The following DENND1A variants were observed in gnomAD, a reference collection of about 807,000 sequenced individuals.
The protein encoded by DENND1A is DENN domain-containing protein 1A.
DENND1A carries 51 observed loss-of-function variants against 113.7 expected under a neutral mutation model. The observed-to-expected ratio is 0.45, with a 90% CI of 0.36 to 0.57. The LOEUF (loss-of-function observed/expected upper bound fraction) is 0.57, where lower values mean the gene tolerates loss of function less well. Among genes scored for constraint, DENND1A ranks in the 20% least tolerant of loss-of-function variants. The pLI is 0.00. For missense variants in DENND1A, 1,258 were observed against 1,395.9 expected, an observed-to-expected ratio of 0.90 and a Z score of 1.57; for synonymous variants, 565 against 570.8, an observed-to-expected ratio of 0.99 and a Z score of 0.14.
chr9:123,410,137 G>T (rs187756717), intron 20 of DENND1A, among the ~76,000 whole-genome samples: 1 of 152,304 alleles, frequency 6.6e-6, no homozygotes, highest in Admixed American at 6.5e-5. Flanking sequence ...TGTGTGTTCT[G>T]CAAATGACAA....
intron 13 of DENND1A, among the ~76,000 whole-genome samples, chr9:123,465,308 A>ATTTTTTTTTTTTTTTTT (rs60428558): frequency 1.2e-5 from 1 of 80,118 alleles, no homozygotes; most frequent in Non-Finnish European, 2.6e-5. Flanking sequence ...TTTGTCTTTG[A>ATTTTTTTTTTTTTTTTT]TTTTTTTTTT....
chr9:123,925,352 G>C (rs566973346), intron 1 of DENND1A, among the ~76,000 whole-genome samples: 1 of 151,946 alleles, frequency 6.6e-6, no homozygotes, highest in South Asian at 2.1e-4. Flanking sequence ...CTTGGTGAAG[G>C]CTTCCTTTCC....
In DENND1A at chr9:123,473,986, C is replaced by CT. The variant is rs5900577; in HGVS notation, c.994-16090dup. ...AAATGGGGTAACGTTTACTTTCTTT[C>CT]TTTTTTTTTTTTTTTTTTTTTTTTT... On this transcript the variant is annotated intron_variant, in intron 13 of 23. Transcript: ENST00000394215. Among the ~76,000 whole-genome samples, 12 of 70,710 alleles carry CT rather than the reference C, an allele frequency of 1.7e-4. 1 individual carries two copies. Among genetic ancestry groups the CT allele is most frequent in the African/African-American group, 2.8e-4 (6 of 21,646 alleles). 46.4% of individuals were successfully genotyped at this position (70,710 alleles called of 152,430 possible). A position where few individuals can be genotyped will look rare whatever the true frequency, so the allele number is the denominator to read the frequency against.
chr9:123,509,865 C>T (rs1486879679), intron 13 of DENND1A, among the ~76,000 whole-genome samples: 1 of 152,252 alleles, frequency 6.6e-6, no homozygotes, highest in East Asian at 1.9e-4. Flanking sequence ...CACTGACTGA[C>T]TCATTGGATT....
chr9:123,929,668 G>C (rs866570986), intron 1 of DENND1A, among the ~76,000 whole-genome samples: 2 of 151,902 alleles, frequency 1.3e-5, no homozygotes, highest in Non-Finnish European at 2.9e-5. Context: ...CAGGTGAGGA[G>C]GGGACACCTG....
intron 5 of DENND1A, among the ~76,000 whole-genome samples, chr9:123,741,417 A>G (rs1453471737): frequency 6.6e-6 from 1 of 152,226 alleles, no homozygotes; most frequent in African/African-American, 2.4e-5. Context: ...CTGTAAGCAG[A>G]ATAACTACTT....
chr9:123,766,901 C>T (rs1250771652), intron 4 of DENND1A, among the ~76,000 whole-genome samples: 1 of 152,150 alleles, frequency 6.6e-6, no homozygotes, highest in African/African-American at 2.4e-5. Flanking sequence ...TGAAAATCCA[C>T]CTCTTGATAT....
At chr9:123,685,488 C>T (rs2064753047) in intron 5 of DENND1A, among the ~76,000 whole-genome samples, 1 of 152,166 alleles carries the variant, frequency 6.6e-6, no homozygotes, top group Admixed American at 6.5e-5. Flanking sequence ...CAAAAACTCC[C>T]ATAAAACATC....
intron 5 of DENND1A, among the ~76,000 whole-genome samples, chr9:123,752,958 G>A (rs1203076239): frequency 6.6e-6 from 1 of 152,172 alleles, no homozygotes. Flanking sequence ...AAATCTCAAG[G>A]AGGAGTAAAA....
At chr9:123,729,713 C>T (rs1228413148) in intron 5 of DENND1A, among the ~76,000 whole-genome samples, 1 of 152,166 alleles carries the variant, frequency 6.6e-6, no homozygotes, top group Non-Finnish European at 1.5e-5. Context: ...AATGCTATCC[C>T]TATCAAGCTA....
chr9:123,401,990 A>G lies in DENND1A; in HGVS notation c.1631+1412T>C, dbSNP rs934788047. 4.4e-6 allele frequency: 7 copies of G among 1,590,566 alleles called. No individual in the cohort carries two copies. The African/African-American group carries it at 8.1e-5, about 18-fold the overall frequency. ...GACCCTGTATCCTGGTACAGTGTCT[A>G]AAAGGTTTAGTCCAGTTTTAAAGAG... is the stretch of plus-strand genomic sequence containing the variant. On this transcript the variant is annotated intron_variant, in intron 21 of 23. Coordinates refer to ENST00000394215, the MANE Select transcript of DENND1A (RefSeq NM_001352964.2).
At chr9:123,815,236 C>G (rs1308891501) in intron 2 of DENND1A, among the ~76,000 whole-genome samples, 1 of 152,328 alleles carries the variant, frequency 6.6e-6, no homozygotes, top group East Asian at 1.9e-4. Flanking sequence ...GCTAATGCAA[C>G]TGAATTTATA....
chr9:123,433,192 G>A (rs546801082), intron 19 of DENND1A, among the ~76,000 whole-genome samples: 1 of 152,316 alleles, frequency 6.6e-6, no homozygotes, highest in South Asian at 2.1e-4. Context: ...CCCCTCTAGA[G>A]ATGTGGAAAC....
At chr9:123,653,306 CCACTGTACCAGA>C (rs1368591464) in intron 8 of DENND1A, among the ~76,000 whole-genome samples, 5 of 152,162 alleles carry the variant, frequency 3.3e-5, no homozygotes, top group Non-Finnish European at 7.3e-5. Flanking sequence ...CAAGTGCCAG[CCACTGTACCAGA>C]CACTGTGGAT....
rs183750691 is a variant in DENND1A, at chr9:123,716,589, A to T, written c.303-39800T>A. On this transcript the variant is annotated intron_variant, in intron 5 of 23. Coordinates refer to ENST00000394215, the MANE Select transcript of DENND1A (RefSeq NM_001352964.2). ...CTACATGACAAGACATCCATTAAAGACAACTACTAATAAAATAAAACTAAA... is the reference window on the plus strand; with the variant it reads ...CTACATGACAAGACATCCATTAAAGTCAACTACTAATAAAATAAAACTAAA... 5.0e-3 allele frequency among the ~76,000 whole-genome samples: 743 copies of T among 147,520 alleles called. 8 individuals are homozygous for T. Among genetic ancestry groups the T allele is most frequent in the South Asian group, 0.012 (56 of 4,702 alleles).
chr9:123,661,910 G>C (rs2063257557), intron 8 of DENND1A, among the ~76,000 whole-genome samples: 1 of 152,042 alleles, frequency 6.6e-6, no homozygotes. Flanking sequence ...GATCAGCACA[G>C]GATATTTTAA....
At chr9:123,630,816 T>TGA (rs1564848005) in intron 9 of DENND1A, among the ~76,000 whole-genome samples, 1 of 152,234 alleles carries the variant, frequency 6.6e-6, no homozygotes. Flanking sequence ...ACAATTAGGA[T>TGA]GACTATACAG....
At chr9:123,772,433 G>A (rs1181583162) in intron 3 of DENND1A, among the ~76,000 whole-genome samples, 1 of 152,118 alleles carries the variant, frequency 6.6e-6, no homozygotes, top group Non-Finnish European at 1.5e-5. Flanking sequence ...TCTAGAACTT[G>A]TGTCTTTGGC....
intron 13 of DENND1A, among the ~76,000 whole-genome samples, chr9:123,471,843 T>C (rs531056720): frequency 6.6e-6 from 1 of 152,324 alleles, no homozygotes; most frequent in African/African-American, 2.4e-5. Flanking sequence ...CCTGGGCTTC[T>C]AGGAAATCCA....
Sources: allele counts gnomAD v4.1 joint callset (sites outside exome capture counted in the v4.1 genomes callset), GRCh38; gene constraint gnomAD v4.1.1; transcripts MANE v1.5; gene names NCBI Gene and HGNC (gene_info 2026-07-23, HGNC 2026-07-21).